Variants in PI4KA observed in about 807,000 individuals in gnomAD.
The protein encoded by PI4KA is phosphatidylinositol 4-kinase alpha.
PI4KA carries 122 observed loss-of-function variants against 271.4 expected under a neutral mutation model. That is an observed-to-expected ratio of 0.45 (90% CI 0.39 to 0.52). The LOEUF is 0.52. Ranked by LOEUF, PI4KA falls within the 20% of genes least tolerant of loss-of-function variation. PI4KA has a pLI of 0.00. For missense variants in PI4KA, 1,969 were observed against 2,769.1 expected, an observed-to-expected ratio of 0.71 and a Z score of 6.48; for synonymous variants, 1,041 against 1,078.8, an observed-to-expected ratio of 0.96 and a Z score of 0.69.
Position 20,813,522 on chromosome 22 carries a change from G to T in PI4KA, c.857-16C>A, listed in dbSNP as rs760583818. On this transcript the variant is annotated splice_polypyrimidine_tract_variant and intron_variant, in intron 7 of 54. Transcript: ENST00000255882. ...AAGCAGGAGGCTGGTGGGAGATAAA[G>T]CTGGAAACTCAGCCGTGGTGACAGG... 1.9e-6 allele frequency: 3 copies of T among 1,612,416 alleles called. No individual in the cohort carries two copies. The South Asian group carries it at 3.3e-5, about 18-fold the overall frequency.
At chr22:20,727,659 G>T in intron 40 of PI4KA, 115 bp downstream of exon 40, 1 of 784,856 alleles carries the variant, frequency 1.3e-6, no homozygotes, top group Non-Finnish European at 2.1e-6. Flanking sequence ...ACCATGAATA[G>T]CACTGAAGTT....
Position 20,742,311 on chromosome 22 carries a change from G to A in PI4KA, c.3658C>T (p.Arg1220Trp), listed in dbSNP as rs371959432. The change falls in exon 32 of 55, where the codon CGG becomes TGG. Residue 1220 changes from arginine to tryptophan, a missense_variant. Arg to Trp is a moderately radical substitution (Grantham distance 101). Coordinates refer to ENST00000255882, the MANE Select transcript of PI4KA (RefSeq NM_058004.4). ...LLHHLCWGPL[R>W]MFNEHGMETA... ...TCCATGCCATGCTCATTGAACATCC[G>A]GAGGGGACCCCAGCACAGATGATGA... 36 of 1,614,042 alleles carry A rather than the reference G, an allele frequency of 2.2e-5. No homozygotes were observed. The highest frequency in any genetic ancestry group is 3.0e-5 in the Non-Finnish European group (35 of 1,180,026).
chr22:20,784,059 T>C, intron 19 of PI4KA: 1 of 1,614,160 alleles, frequency 6.2e-7, no homozygotes, highest in Non-Finnish European at 8.5e-7. Context: ...GTTTCCATGA[T>C]GCAGACCAAG....
In PI4KA at chr22:20,734,169, G is replaced by A; in HGVS notation, c.3926C>T (p.Ala1309Val). Residue 1309 changes from alanine to valine, a missense_variant, in exon 34 of 55, where the codon GCC becomes GTC. Coordinates refer to ENST00000255882, the MANE Select transcript of PI4KA (RefSeq NM_058004.4). Reference protein sequence around the residue: ...IDFLVQRFEIAKYCSSDQVEI... With the variant: ...IDFLVQRFEIVKYCSSDQVEI... ...CACTTGGTCAGAGCTGCAGTACTTG[G>A]CGATCTCAAACCGCTGCACCAGGAA... The A allele has an allele frequency of 6.5e-7, 1 of 1,547,842 alleles. No individual in the cohort carries two copies. Among genetic ancestry groups the A allele is most frequent in the Non-Finnish European group, 8.7e-7 (1 of 1,146,780 alleles).
chr22:20,808,528 T>TGCA (rs1385613855), intron 9 of PI4KA, among the ~76,000 whole-genome samples: 2 of 149,590 alleles, frequency 1.3e-5, no homozygotes, highest in Non-Finnish European at 3.0e-5. Context: ...AGGCGGAGCT[T>TGCA]GCAGTGAGCC....
intron 19 of PI4KA, among the ~76,000 whole-genome samples, chr22:20,790,578 T>C (rs1359971440): frequency 6.6e-6 from 1 of 151,886 alleles, no homozygotes; most frequent in Non-Finnish European, 1.5e-5. Flanking sequence ...GGAGAATAGC[T>C]TGAACCCAGG....
rs149960029 is a variant in PI4KA, at chr22:20,774,622, G to C, written c.2329-8929C>G. ...CTAAAAATACAAAAATTAGCTGGGC[G>C]TGGTGGCACGCGCCTGTAATCCCAG... On this transcript the variant is annotated intron_variant, in intron 19 of 54. Coordinates refer to ENST00000255882, the MANE Select transcript of PI4KA (RefSeq NM_058004.4). 2.6e-5 allele frequency among the ~76,000 whole-genome samples: 4 copies of C among 152,164 alleles called. No homozygotes were observed. In the East Asian group the frequency reaches 7.7e-4, roughly 29 times the overall value.
chr22:20,761,878 T>G (rs1932005823), intron 22 of PI4KA, among the ~76,000 whole-genome samples: 1 of 151,866 alleles, frequency 6.6e-6, no homozygotes, highest in African/African-American at 2.4e-5. Flanking sequence ...TCTTTGCATG[T>G]GTATGTGTAG....
intron 19 of PI4KA, among the ~76,000 whole-genome samples, chr22:20,777,625 T>A (rs1163793373): frequency 6.6e-6 from 1 of 152,234 alleles, no homozygotes; most frequent in Non-Finnish European, 1.5e-5. Context: ...GTGTTGGGAT[T>A]ATAGGCGTAA....
intron 42 of PI4KA, among the ~76,000 whole-genome samples, chr22:20,722,540 C>T (rs1431322458): frequency 6.6e-6 from 1 of 152,176 alleles, no homozygotes; most frequent in East Asian, 1.9e-4. Context: ...ACTGTGGTCA[C>T]CATCCTAAGG....
At chr22:20,818,246 T>C (rs972746018) in intron 7 of PI4KA, among the ~76,000 whole-genome samples, 1 of 152,188 alleles carries the variant, frequency 6.6e-6, no homozygotes, top group Non-Finnish European at 1.5e-5. Flanking sequence ...TGTACTTTTC[T>C]CTCTAAATAA....
chr22:20,713,184 C>T, intron 48 of PI4KA, 97 bp downstream of exon 48: 4 of 920,234 alleles, frequency 4.3e-6, no homozygotes, highest in Non-Finnish European at 7.0e-6. Flanking sequence ...GGAAAAGATT[C>T]ACATTTCTGC....
At chr22:20,733,680 C>T in intron 35 of PI4KA, 56 bp downstream of exon 35, 1 of 1,613,586 alleles carries the variant, frequency 6.2e-7, no homozygotes, top group South Asian at 1.1e-5. Context: ...GGCGATGGAG[C>T]ACTTGGAGGG....
intron 7 of PI4KA, among the ~76,000 whole-genome samples, chr22:20,816,505 G>A (rs907504915): frequency 3.3e-5 from 5 of 152,108 alleles, no homozygotes; most frequent in African/African-American, 1.2e-4. Flanking sequence ...AGGACCGGCT[G>A]TAAGAAAAGT....
At chr22:20,714,736 G>A (rs755728696) in intron 45 of PI4KA, 36 bp from the exon 46 acceptor site, 104 of 1,601,796 alleles carry the variant, frequency 6.5e-5, no homozygotes, top group Non-Finnish European at 8.6e-5. Flanking sequence ...GGGAGTGCAT[G>A]TGTCACCACA....
At chr22:20,717,017 G>C (rs1030325709) in intron 45 of PI4KA, among the ~76,000 whole-genome samples, 2 of 152,100 alleles carry the variant, frequency 1.3e-5, no homozygotes, top group African/African-American at 2.4e-5. Flanking sequence ...AGGCCGAGGC[G>C]GGCAGATCAC....
chr22:20,839,621 G>A (rs1925304625), intron 1 of PI4KA, among the ~76,000 whole-genome samples: 1 of 152,200 alleles, frequency 6.6e-6, no homozygotes, highest in Non-Finnish European at 1.5e-5. Context: ...CACGAGGTCA[G>A]AAGTTTGAGA....
In PI4KA at chr22:20,767,165, G is replaced by A. The variant is rs142428709; in HGVS notation, c.2329-1472C>T. On this transcript the variant is annotated intron_variant, in intron 19 of 54. Coordinates refer to ENST00000255882, the MANE Select transcript of PI4KA (RefSeq NM_058004.4). The stretch of plus-strand genomic sequence containing the variant: ...ATATTAAAAGTATAATAAATTGGCC[G>A]GGCACAGTGGCTCTTGCCTGTAATC... 7.5e-3 allele frequency among the ~76,000 whole-genome samples: 1,147 copies of A among 152,190 alleles called. 11 individuals carry two copies. Among genetic ancestry groups the A allele is most frequent in the East Asian group, 0.055 (284 of 5,178 alleles).
In PI4KA at chr22:20,733,779, C is replaced by T. The variant is rs1392567730; in HGVS notation, c.4117G>A (p.Val1373Met). 1 of 1,613,288 alleles carries T rather than the reference C, an allele frequency of 6.2e-7. No individual in the cohort carries two copies. The highest frequency in any genetic ancestry group is 8.5e-7 in the Non-Finnish European group (1 of 1,179,838). The change falls in exon 35 of 55, where the codon GTG (valine) becomes ATG (methionine). Residue 1373 changes from valine to methionine, a missense_variant. Val to Met is a conservative substitution (Grantham distance 21). Transcript: ENST00000255882. ...GTGGAGTAGATCTTCTCGCGAAGCA[C>T]ATTGCGGATGGTTGCATTTGGAACC... is the stretch of plus-strand genomic sequence containing the variant. ...DVVPNATIRNVLREKIYSTAF... is the reference protein window; with the variant it reads ...DVVPNATIRNMLREKIYSTAF...
Sources: gnomAD v4.1 joint callset for allele counts (sites outside exome capture counted in the v4.1 genomes callset) on GRCh38, gnomAD v4.1.1 for gene constraint, MANE v1.5 for transcripts, NCBI Gene and HGNC (gene_info 2026-07-23, HGNC 2026-07-21) for gene names.